Variants in SHANK2 observed in about 807,000 individuals in gnomAD.
SHANK2 encodes the protein SH3 and multiple ankyrin repeat domains protein 2.
In SHANK2, 43 loss-of-function variants were observed where a neutral mutation model predicts 133.7. That is an observed-to-expected ratio of 0.32 (90% CI 0.25 to 0.41). The LOEUF is 0.41. SHANK2 is among the 10% of genes least tolerant of loss of function. The pLI, the probability that SHANK2 is intolerant of heterozygous loss-of-function variation, is 1.00. For missense variants in SHANK2, 1,994 were observed against 2,235.8 expected, an observed-to-expected ratio of 0.89 and a Z score of 2.18; for synonymous variants, 1,017 against 952.8, an observed-to-expected ratio of 1.07 and a Z score of -1.24.
chr11:70,917,973 G>T (rs1046723736), intron 10 of SHANK2, among the ~76,000 whole-genome samples: 1 of 151,736 alleles, frequency 6.6e-6, no homozygotes, highest in Admixed American at 6.6e-5. Context: ...GTTTACCTAG[G>T]TAACAAACCT....
intron 10 of SHANK2, among the ~76,000 whole-genome samples, chr11:70,936,798 T>C (rs1327659998): frequency 6.6e-6 from 1 of 151,932 alleles, no homozygotes; most frequent in Non-Finnish European, 1.5e-5. Flanking sequence ...CCAACAGCCC[T>C]CCCTAAAGAA....
chr11:70,784,589 G>C (rs1555046021), intron 14 of SHANK2, among the ~76,000 whole-genome samples: 1 of 151,972 alleles, frequency 6.6e-6, no homozygotes, highest in African/African-American at 2.4e-5. Flanking sequence ...TTACAGGCGT[G>C]AGCAACTGTG....
At chr11:70,704,687 A>T (rs2134534951) in intron 14 of SHANK2, among the ~76,000 whole-genome samples, 1 of 152,364 alleles carries the variant, frequency 6.6e-6, no homozygotes, top group South Asian at 2.1e-4. Flanking sequence ...TGAGTCCAGC[A>T]ATGAAGCCAG....
intron 11 of SHANK2, among the ~76,000 whole-genome samples, chr11:70,843,801 G>A (rs951430945): frequency 7.9e-5 from 12 of 152,240 alleles, no homozygotes; most frequent in African/African-American, 2.9e-4. Context: ...GAGGACACAC[G>A]AGTCAACTTC....
chr11:70,561,895 G>C lies in SHANK2; in HGVS notation c.2062-58964C>G, dbSNP rs1591582975. ...TTCTAAAGGTAGAAGCTGAAGCAGT[G>C]ATCTGAGGCCTTTCTTCTTTTCTAG... On this transcript the variant is annotated intron_variant, in intron 17 of 25. Coordinates refer to ENST00000601538, the MANE Select transcript of SHANK2 (RefSeq NM_012309.5). Among the ~76,000 whole-genome samples, 4 of 152,254 alleles carry C rather than the reference G, an allele frequency of 2.6e-5. No homozygotes were observed. In the South Asian group the frequency reaches 8.3e-4, roughly 32 times the overall value.
At chr11:70,930,933 C>G (rs898166018) in intron 10 of SHANK2, among the ~76,000 whole-genome samples, 1 of 151,726 alleles carries the variant, frequency 6.6e-6, no homozygotes, top group Admixed American at 6.6e-5. Context: ...TCCAAAAGTG[C>G]TGGGACTACA....
At chr11:71,234,352 A>T (rs1012756722) in intron 1 of SHANK2, among the ~76,000 whole-genome samples, 2 of 146,206 alleles carry the variant, frequency 1.4e-5, no homozygotes, top group Non-Finnish European at 3.0e-5. Context: ...ACAGAGCAAG[A>T]CTCATCTCAA....
At chr11:70,894,411 T>G (rs1333095847) in intron 11 of SHANK2, among the ~76,000 whole-genome samples, 1 of 152,176 alleles carries the variant, frequency 6.6e-6, no homozygotes, top group Non-Finnish European at 1.5e-5. Context: ...GGTTTCAAAC[T>G]CCTGACCTCA....
intron 10 of SHANK2, among the ~76,000 whole-genome samples, chr11:70,918,785 G>A (rs1176756582): frequency 6.6e-6 from 1 of 152,082 alleles, no homozygotes; most frequent in African/African-American, 2.4e-5. Flanking sequence ...GGATTACAGG[G>A]CATGACCCAC....
rs1447588988 is a variant in SHANK2, at chr11:70,469,452, A to AT, written c.*3416dup. 5.3e-5 allele frequency: 8 copies of AT among 151,572 alleles called. No individual in the cohort carries two copies. The highest frequency in any genetic ancestry group is 1.9e-4 in the African/African-American group (8 of 41,230). The allele number at this position is 151,572 out of a possible 1,614,324, so 9.4% of individuals were successfully genotyped here. ...ACAACCTTAGTGCAATAGTATATTT[A>AT]TTTTTTTACAGTAATTTTGGTTGCC... On this transcript the variant is annotated 3_prime_UTR_variant, in exon 26 of 26. Transcript: ENST00000601538.
chr11:70,660,049 C>A, intron 16 of SHANK2, 97 bp from the exon 17 acceptor site: 1 of 1,507,916 alleles, frequency 6.6e-7, no homozygotes, highest in East Asian at 2.3e-5. Flanking sequence ...GAAGTGGGCC[C>A]ACTCATCTCC....
chr11:70,596,778 G>A (rs1554989673), intron 17 of SHANK2, among the ~76,000 whole-genome samples: 1 of 152,180 alleles, frequency 6.6e-6, no homozygotes, highest in Non-Finnish European at 1.5e-5. Flanking sequence ...GGTACACTCA[G>A]GGGCTGTCTG....
chr11:71,181,707 T>C (rs540480793), intron 2 of SHANK2, among the ~76,000 whole-genome samples: 5 of 152,144 alleles, frequency 3.3e-5, no homozygotes, highest in Non-Finnish European at 5.9e-5. Context: ...TGACACCGCA[T>C]GCATAACGGA....
In SHANK2 at chr11:70,882,325, G is replaced by C. The variant is rs540792032; in HGVS notation, c.1174+14176C>G. Among the ~76,000 whole-genome samples the C allele has an allele frequency of 6.6e-6, 1 of 152,212 alleles. No individual in the cohort carries two copies. Among genetic ancestry groups the C allele is most frequent in the South Asian group, 2.1e-4 (1 of 4,818 alleles). ...ACGGGAGAGGGGCCACTGCAGTGTGGAAGGCAGGCAGAAAGGCCCCTGGGC... is the reference window on the plus strand; with the variant it reads ...ACGGGAGAGGGGCCACTGCAGTGTGCAAGGCAGGCAGAAAGGCCCCTGGGC... On this transcript the variant is annotated intron_variant, in intron 11 of 25. Coordinates refer to ENST00000601538, the MANE Select transcript of SHANK2 (RefSeq NM_012309.5). The surrounding 1 kb of genome is among the most constrained non-coding windows in gnomAD (Gnocchi z 4.2).
chr11:71,128,981 C>T (rs559702030), intron 3 of SHANK2, among the ~76,000 whole-genome samples: 2 of 152,306 alleles, frequency 1.3e-5, no homozygotes, highest in African/African-American at 2.4e-5. Flanking sequence ...GACAGGGTTT[C>T]GCCATGTTGA....
chr11:71,164,202 C>T (rs539085525), intron 2 of SHANK2, among the ~76,000 whole-genome samples: 1 of 152,280 alleles, frequency 6.6e-6, no homozygotes, highest in East Asian at 1.9e-4. Context: ...AGACTAGCCA[C>T]TAAAATCATC....
intron 11 of SHANK2, among the ~76,000 whole-genome samples, chr11:70,871,684 A>C (rs1399999441): frequency 3.3e-5 from 5 of 152,194 alleles, no homozygotes; most frequent in Admixed American, 1.3e-4. Flanking sequence ...TCATGTTGAA[A>C]GGCAACACGG....
intron 14 of SHANK2, among the ~76,000 whole-genome samples, chr11:70,735,111 C>A (rs140851808): frequency 3.4e-4 from 52 of 152,298 alleles, no homozygotes; most frequent in Admixed American, 1.1e-3. Flanking sequence ...TGGCCTCCCC[C>A]CAGGTGGGCA....
chr11:71,214,599 C>T (rs959260273), intron 2 of SHANK2, among the ~76,000 whole-genome samples: 6 of 152,224 alleles, frequency 3.9e-5, no homozygotes, highest in Admixed American at 6.5e-5. Flanking sequence ...ATGGGTCTGG[C>T]TCAGGGTCCC....
Sources: allele counts gnomAD v4.1 joint callset (sites outside exome capture counted in the v4.1 genomes callset), GRCh38; gene constraint gnomAD v4.1.1; non-coding constraint Gnocchi (gnomAD v3.1); transcripts MANE v1.5; gene names NCBI Gene and HGNC (gene_info 2026-07-23, HGNC 2026-07-21).